FAM24B: variants seen among roughly 807,000 people sequenced by gnomAD.
FAM24B encodes the protein protein FAM24B.
A neutral mutation model predicts 2.3 loss-of-function variants in FAM24B; 3 were observed. That is an observed-to-expected ratio of 1.29 (90% CI 0.59 to 3.32). The LOEUF is 3.32. Ranked by LOEUF, FAM24B falls within the 30% of genes most tolerant of loss-of-function variation. The probability of loss-of-function intolerance (pLI) is 0.03; values close to 1 mark genes in which losing one functional copy is unlikely to be tolerated. For synonymous variants in FAM24B, 36 were observed against 46.3 expected (o/e 0.78, Z 0.90); for missense variants, 98 against 117.2 (o/e 0.84, Z 0.76).
At chr10:122,875,430 G>A (rs1311301900) in intron 1 of FAM24B, among the ~76,000 whole-genome samples, 2 of 152,154 alleles carry the variant, frequency 1.3e-5, no homozygotes, top group African/African-American at 4.8e-5. Flanking sequence ...GAATGGTTCT[G>A]ATATTTCCTT....
intron 2 of FAM24B, among the ~76,000 whole-genome samples, chr10:122,852,197 T>C (rs997226400): frequency 2.0e-5 from 3 of 152,158 alleles, no homozygotes; most frequent in Non-Finnish European, 4.4e-5. Flanking sequence ...TCAACAACTC[T>C]TAAGTCAACC....
At chr10:122,866,662 A>G (rs1401101409) in intron 1 of FAM24B, among the ~76,000 whole-genome samples, 3 of 152,066 alleles carry the variant, frequency 2.0e-5, no homozygotes, top group African/African-American at 7.2e-5. Flanking sequence ...TGATGTTACT[A>G]TTGCCATTGT....
chr10:122,872,369 T>A (rs552204786), intron 1 of FAM24B, among the ~76,000 whole-genome samples: 6 of 152,310 alleles, frequency 3.9e-5, no homozygotes, highest in Admixed American at 2.0e-4. Context: ...ATTGTGGAAG[T>A]CAGTGTGGCG....
At chr10:122,872,178 T>C (rs894115024) in intron 1 of FAM24B, among the ~76,000 whole-genome samples, 3 of 152,208 alleles carry the variant, frequency 2.0e-5, no homozygotes, top group Middle Eastern at 6.8e-3. Flanking sequence ...AAAAAACACA[T>C]GAAAAAATGC....
chr10:122,850,398 T>C (rs374528093), intron 3 of FAM24B, 26 bp downstream of exon 3: 9 of 1,578,026 alleles, frequency 5.7e-6, no homozygotes, highest in Admixed American at 1.7e-5. Context: ...CTTTAGTACG[T>C]TGTTTATTTT....
intron 2 of FAM24B, among the ~76,000 whole-genome samples, chr10:122,854,681 C>T (rs1847606437): frequency 6.6e-6 from 1 of 152,162 alleles, no homozygotes; most frequent in Admixed American, 6.5e-5. Flanking sequence ...AGGGATGGGG[C>T]CATGTGTTCC....
chr10:122,850,393 G>A, intron 3 of FAM24B, 31 bp downstream of exon 3: 2 of 1,560,382 alleles, frequency 1.3e-6, no homozygotes, highest in Non-Finnish European at 1.8e-6. Context: ...ACTCACTTTA[G>A]TACGTTGTTT....
chr10:122,853,631 G>C (rs1177517423), intron 2 of FAM24B, among the ~76,000 whole-genome samples: 1 of 152,146 alleles, frequency 6.6e-6, no homozygotes, highest in Non-Finnish European at 1.5e-5. Context: ...GTTCATGCCT[G>C]TAATCCCAGC....
chr10:122,875,104 G>A lies in FAM24B; in HGVS notation c.-178+4381C>T, dbSNP rs188408498. 1.1e-3 allele frequency among the ~76,000 whole-genome samples: 174 copies of A among 152,178 alleles called. 5 individuals carry two copies. Among genetic ancestry groups the A allele is most frequent in the Non-Finnish European group, 2.5e-4 (17 of 68,000 alleles). On this transcript the variant is annotated intron_variant, in intron 1 of 3. Transcript: ENST00000368898. ...ACATGTTATTACAAGTTTTATAACT[G>A]TCCAGCAGTTCTTGGATAGTCTACT...
chr10:122,849,229 G>A lies in FAM24B; in HGVS notation c.*18C>T. 1 of 1,515,738 alleles carries A rather than the reference G, an allele frequency of 6.6e-7. No homozygotes were observed. Among genetic ancestry groups the A allele is most frequent in the African/African-American group, 1.4e-5 (1 of 71,756 alleles). 93.9% of individuals were successfully genotyped at this position (1,515,738 alleles called of 1,614,324 possible). A position where few individuals can be genotyped will look rare whatever the true frequency, so the allele number is the denominator to read the frequency against. ...AGAAGTATTGCTCATGAAGATTTTT[G>A]TGCCCACCTTTCCTAACTCAGAGGC... On this transcript the variant is annotated 3_prime_UTR_variant, in exon 4 of 4. Coordinates refer to ENST00000368898, the MANE Select transcript of FAM24B (RefSeq NM_152644.3).
rs954812632 is a variant in FAM24B at position 122,867,641 on chromosome 10, G to A, written c.-178+11844C>T. Among the ~76,000 whole-genome samples the A allele has an allele frequency of 1.2e-4, 18 of 152,174 alleles. 1 individual carries two copies. The South Asian group carries it at 1.7e-3, about 14-fold the overall frequency. On this transcript the variant is annotated intron_variant, in intron 1 of 3. Coordinates refer to ENST00000368898, the MANE Select transcript of FAM24B (RefSeq NM_152644.3). The stretch of plus-strand genomic sequence containing the variant: ...CAGCATTTGCGGTTCACCAATATCC[G>A]CTGTTCTGCAGCCACCGCTGCTGAT...
At position 122,849,124 on chromosome 10, in the gene FAM24B, G is replaced by T; in HGVS notation, c.*123C>A. The T allele has an allele frequency of 1.5e-6, 1 of 654,606 alleles. No individual in the cohort carries two copies. 40.5% of individuals were successfully genotyped at this position (654,606 alleles called of 1,614,324 possible). A position where few individuals can be genotyped will look rare whatever the true frequency, so the allele number is the denominator to read the frequency against. On this transcript the variant is annotated 3_prime_UTR_variant, in exon 4 of 4. Coordinates refer to ENST00000368898, the MANE Select transcript of FAM24B (RefSeq NM_152644.3). Reference sequence around the variant, plus strand: ...TTTAATAGTGTACATTTATTCAAAAGTATATAAAACAACACTGTAAATTAT... The same window carrying T: ...TTTAATAGTGTACATTTATTCAAAATTATATAAAACAACACTGTAAATTAT...
intron 2 of FAM24B, among the ~76,000 whole-genome samples, chr10:122,853,765 G>C (rs757946292): frequency 7.9e-5 from 12 of 152,174 alleles, no homozygotes; most frequent in Non-Finnish European, 1.2e-4. Context: ...AAATTAGCCA[G>C]GTGTGGTAGC....
intron 1 of FAM24B, among the ~76,000 whole-genome samples, chr10:122,855,998 T>G (rs979835681): frequency 2.0e-5 from 3 of 152,234 alleles, no homozygotes; most frequent in Admixed American, 2.0e-4. Context: ...AACATTTTAT[T>G]TACAAGCTCA....
chr10:122,869,961 A>G (rs1847864792), intron 1 of FAM24B, among the ~76,000 whole-genome samples: 1 of 152,222 alleles, frequency 6.6e-6, no homozygotes, highest in Non-Finnish European at 1.5e-5. Flanking sequence ...AAATAGAGAC[A>G]CAAAAAGCCC....
chr10:122,855,069 G>A (rs1193644586), intron 2 of FAM24B, among the ~76,000 whole-genome samples: 2 of 152,214 alleles, frequency 1.3e-5, no homozygotes, highest in Non-Finnish European at 2.9e-5. Flanking sequence ...TGGTGCAGAT[G>A]GGGACCTTGC....
chr10:122,849,096 ATTT>A lies in FAM24B; in HGVS notation c.*148_*150del. ...AAAAATATTGGCAGCAAAGAGGATT[ATTT>A]TTAATAGTGTACATTTATTCAAAAG... On this transcript the variant is annotated 3_prime_UTR_variant, in exon 4 of 4. Coordinates refer to ENST00000368898, the MANE Select transcript of FAM24B (RefSeq NM_152644.3). The A allele has an allele frequency of 2.0e-6, 1 of 490,112 alleles. No homozygotes were observed. Among genetic ancestry groups the A allele is most frequent in the South Asian group, 8.7e-5 (1 of 11,520 alleles). 30.4% of individuals were successfully genotyped at this position (490,112 alleles called of 1,614,324 possible).
chr10:122,857,601 T>A (rs1847660869), intron 1 of FAM24B, among the ~76,000 whole-genome samples: 1 of 152,228 alleles, frequency 6.6e-6, no homozygotes, highest in Non-Finnish European at 1.5e-5. Context: ...TGGGAAACTT[T>A]ACCTCTGCTC....
intron 1 of FAM24B, among the ~76,000 whole-genome samples, chr10:122,877,064 G>A (rs1015708427): frequency 1.3e-5 from 2 of 152,008 alleles, no homozygotes; most frequent in African/African-American, 4.8e-5. Flanking sequence ...TGATATTGGT[G>A]GAAAGATTTC....
Sources: gnomAD v4.1 joint callset for allele counts (sites outside exome capture counted in the v4.1 genomes callset) on GRCh38, gnomAD v4.1.1 for gene constraint, MANE v1.5 for transcripts, NCBI Gene and HGNC (gene_info 2026-07-23, HGNC 2026-07-21) for gene names.